The following RGS3 variants were observed in gnomAD, a reference collection of about 807,000 sequenced individuals.
RGS3 encodes regulator of G-protein signalling 3.
RGS3 carries 80 observed loss-of-function variants against 132.6 expected under a neutral mutation model. That is an observed-to-expected ratio of 0.60 (90% CI 0.50 to 0.73). RGS3 has a LOEUF of 0.73. RGS3 is among the 30% of genes least tolerant of loss of function. The probability of loss-of-function intolerance (pLI) is 0.00; values close to 1 mark genes in which losing one functional copy is unlikely to be tolerated. For synonymous variants in RGS3, 598 were observed against 620.6 expected, an observed-to-expected ratio of 0.96 and a Z score of 0.54; for missense variants, 1,382 against 1,530.8, an observed-to-expected ratio of 0.90 and a Z score of 1.62.
chr9:113,460,916 T>G (rs2119157605), intron 1 of RGS3, among the ~76,000 whole-genome samples: 1 of 152,340 alleles, frequency 6.6e-6, no homozygotes, highest in Non-Finnish European at 1.5e-5. Context: ...CTAAAATCAT[T>G]GCTCGATACT....
At chr9:113,448,769 G>A (rs1473392399) in intron 1 of RGS3, among the ~76,000 whole-genome samples, 1 of 152,202 alleles carries the variant, frequency 6.6e-6, no homozygotes, top group Non-Finnish European at 1.5e-5. Context: ...TATATATGAT[G>A]TGTCTTCTTT....
intron 20 of RGS3, among the ~76,000 whole-genome samples, chr9:113,585,039 C>T (rs954490265): frequency 3.3e-5 from 5 of 152,194 alleles, no homozygotes; most frequent in East Asian, 1.9e-4. Flanking sequence ...GTTTGCCTCT[C>T]GTGAATATTT....
At chr9:113,485,580 A>T in intron 6 of RGS3, 45 bp from the exon 5 acceptor site, 1 of 1,495,612 alleles carries the variant, frequency 6.7e-7, no homozygotes, top group Non-Finnish European at 9.2e-7. Flanking sequence ...TATGGCCTGG[A>T]GCTCAGCCCT....
chr9:113,542,974 A>G (rs1035234606), intron 19 of RGS3, among the ~76,000 whole-genome samples: 3 of 152,194 alleles, frequency 2.0e-5, no homozygotes, highest in African/African-American at 7.2e-5. Flanking sequence ...CCAAGGGGAC[A>G]GCCGTTTGAG....
rs533194887 is a variant in RGS3 at position 113,506,896 on chromosome 9, C to T, written c.1086-391C>T. 7.5e-4 allele frequency among the ~76,000 whole-genome samples: 115 copies of T among 152,332 alleles called. 1 individual carries two copies. Among genetic ancestry groups the T allele is most frequent in the African/African-American group, 2.5e-3 (103 of 41,576 alleles). ...TTGGAGTCTCCCAAATTTTGATCCT[C>T]TAGGGTAAAACCCCGATGGCCCCAT... is the stretch of plus-strand genomic sequence containing the variant. On this transcript the variant is annotated intron_variant, in intron 12 of 24. Transcript: ENST00000350696. This position sits in a 1 kb window ranked among gnomAD's most constrained non-coding sequence, Gnocchi z 4.7.
chr9:113,492,333 TC>T (rs1830546662), intron 7 of RGS3, among the ~76,000 whole-genome samples: 3 of 152,282 alleles, frequency 2.0e-5, no homozygotes, highest in Admixed American at 6.5e-5. Flanking sequence ...AGTTCATAGG[TC>T]TTCTTCCAGC....
At chr9:113,496,709 C>T (rs1206805427) in intron 8 of RGS3, among the ~76,000 whole-genome samples, 2 of 152,080 alleles carry the variant, frequency 1.3e-5, no homozygotes, top group African/African-American at 2.4e-5. Context: ...TGCCACCACG[C>T]CTGGCTAATT....
At position 113,490,964 on chromosome 9, in the gene RGS3, A is replaced by C. The variant is rs1830495683; in HGVS notation, c.690-4822A>C. Among the ~76,000 whole-genome samples the C allele has an allele frequency of 9.1e-5, 12 of 132,374 alleles. No homozygotes were observed. In the South Asian group the frequency reaches 2.7e-3, roughly 30 times the overall value. The allele number at this position is 132,374 out of a possible 152,430, so 86.8% of individuals were successfully genotyped here. A position where few individuals can be genotyped will look rare whatever the true frequency, so the allele number is the denominator to read the frequency against. ...TTATAATTATATATCGGTATATATA[A>C]TTATATATAACTTAATTATTATATA... On this transcript the variant is annotated intron_variant, in intron 7 of 24. Coordinates refer to ENST00000350696, the Ensembl canonical transcript of RGS3.
chr9:113,541,230 G>A, intron 19 of RGS3: 3 of 1,388,128 alleles, frequency 2.2e-6, no homozygotes, highest in Non-Finnish European at 3.0e-6. Context: ...GTGTGTGAGT[G>A]CCTTAGAAAG....
intron 1 of RGS3, chr9:113,461,692 T>G (rs923308415): frequency 4.5e-5 from 72 of 1,609,682 alleles, no homozygotes; most frequent in Non-Finnish European, 5.9e-5. Flanking sequence ...TGGGCCTCGG[T>G]CTTTTCTCTC....
chr9:113,562,476 C>CAAA (rs1184135248), intron 19 of RGS3, among the ~76,000 whole-genome samples: 176 of 68,512 alleles, frequency 2.6e-3, no homozygotes, highest in Middle Eastern at 8.1e-3. Flanking sequence ...GACTCTGTCT[C>CAAA]AAAAAAAAAA....
rs575645377 is a variant in RGS3 at position 113,462,903 on chromosome 9, C to T, written c.415+702C>T. ...TTACACGAGACTAACAGCTTTCCTT[C>T]CCACAGTGGCAACAGAGATTTGCAG... On this transcript the variant is annotated intron_variant, in intron 3 of 24. Coordinates refer to ENST00000350696, the Ensembl canonical transcript of RGS3. Among the ~76,000 whole-genome samples, 134 of 152,322 alleles carry T rather than the reference C, an allele frequency of 8.8e-4. 1 individual carries two copies. Among genetic ancestry groups the T allele is most frequent in the South Asian group, 2.5e-3 (12 of 4,828 alleles).
At chr9:113,501,595 C>G (rs1588166086) in intron 10 of RGS3, 1 of 1,559,332 alleles carries the variant, frequency 6.4e-7, no homozygotes, top group Non-Finnish European at 8.6e-7. Flanking sequence ...CTTCAATGGG[C>G]TCTGCAAGGT....
chr9:113,552,184 A>G (rs544187399), intron 19 of RGS3, among the ~76,000 whole-genome samples: 9 of 152,212 alleles, frequency 5.9e-5, no homozygotes, highest in Non-Finnish European at 1.0e-4. Flanking sequence ...ACTTTTGCAT[A>G]TAGTATGAGG....
At chr9:113,523,121 G>C in intron 17 of RGS3, 80 bp downstream of exon 15, 1 of 922,334 alleles carries the variant, frequency 1.1e-6, no homozygotes, top group Non-Finnish European at 1.8e-6. Context: ...CTGGGATCTG[G>C]CTGCCAGTCA....
At chr9:113,566,341 C>G (rs755597203) in intron 19 of RGS3, among the ~76,000 whole-genome samples, 1 of 152,244 alleles carries the variant, frequency 6.6e-6, no homozygotes, top group Non-Finnish European at 1.5e-5. Flanking sequence ...ACCCATCAGG[C>G]AGGGGGTGGT....
intron 23 of RGS3, 192 bp downstream of exon 21, chr9:113,595,172 C>A: frequency 1.6e-6 from 1 of 612,782 alleles, no homozygotes; most frequent in Non-Finnish European, 2.9e-6. Flanking sequence ...CTTCTGCCAG[C>A]CCCTCCCCGT....
At chr9:113,536,341 G>T in intron 18 of RGS3, 1 of 315,114 alleles carries the variant, frequency 3.2e-6, no homozygotes, top group Non-Finnish European at 4.6e-6. Context: ...CCTTGGCCTT[G>T]GGATCAGAGA....
chr9:113,575,562 T>C (rs1475168833), intron 19 of RGS3, among the ~76,000 whole-genome samples: 1 of 152,182 alleles, frequency 6.6e-6, no homozygotes, highest in Non-Finnish European at 1.5e-5. Flanking sequence ...GGCTCCCCAC[T>C]ATAGAGAGGG....
Sources: gnomAD v4.1 joint callset for allele counts (sites outside exome capture counted in the v4.1 genomes callset) on GRCh38, gnomAD v4.1.1 for gene constraint, Gnocchi (gnomAD v3.1) non-coding constraint, MANE v1.5 for transcripts, NCBI Gene and HGNC (gene_info 2026-07-23, HGNC 2026-07-21) for gene names.